Variants in PARL observed in about 807,000 individuals in gnomAD.
PARL encodes the protein presenilin-associated rhomboid-like protein, mitochondrial.
Under a neutral mutation model 51.6 loss-of-function variants are expected in PARL, and 44 were observed. The ratio of observed to expected loss-of-function variants is 0.85; its 90% CI spans 0.67 to 1.10. The LOEUF is 1.10. Ranked by LOEUF, PARL falls within the 50% of genes least tolerant of loss-of-function variation. PARL has a pLI of 0.00. For synonymous variants in PARL, 172 were observed against 164.0 expected (o/e 1.05, Z -0.37); for missense variants, 441 against 469.5 (o/e 0.94, Z 0.56).
intron 1 of PARL, among the ~76,000 whole-genome samples, chr3:183,882,571 T>A (rs901258105): frequency 6.6e-6 from 1 of 152,100 alleles, no homozygotes; most frequent in African/African-American, 2.4e-5. Flanking sequence ...TTAAACAGGT[T>A]TCCACTTTCA....
chr3:183,837,583 A>G (rs1415780665), intron 7 of PARL, among the ~76,000 whole-genome samples: 1 of 152,130 alleles, frequency 6.6e-6, no homozygotes, highest in Non-Finnish European at 1.5e-5. Flanking sequence ...CAGTGACAAG[A>G]GCCCCTATCA....
chr3:183,850,910 C>T (rs534494221), intron 4 of PARL, among the ~76,000 whole-genome samples: 1 of 152,216 alleles, frequency 6.6e-6, no homozygotes, highest in South Asian at 2.1e-4. Flanking sequence ...ACAACACAAA[C>T]CTACAGGAAT....
chr3:183,859,973 ACAAAG>A (rs1164889239), intron 4 of PARL, among the ~76,000 whole-genome samples: 1 of 152,078 alleles, frequency 6.6e-6, no homozygotes. Context: ...TATGAATACT[ACAAAG>A]CAGAGAGGCA....
At chr3:183,875,157 G>A (rs1733645203) in intron 1 of PARL, among the ~76,000 whole-genome samples, 1 of 152,072 alleles carries the variant, frequency 6.6e-6, no homozygotes, top group African/African-American at 2.4e-5. Flanking sequence ...GCTCCCATCT[G>A]TAATCCTAGA....
intron 4 of PARL, among the ~76,000 whole-genome samples, chr3:183,854,195 T>C (rs990287442): frequency 1.3e-5 from 2 of 152,126 alleles, no homozygotes; most frequent in African/African-American, 2.4e-5. Context: ...TGAGCTGAGA[T>C]CACGCCACTG....
At chr3:183,847,934 C>A (rs1363016855) in intron 4 of PARL, among the ~76,000 whole-genome samples, 1 of 152,208 alleles carries the variant, frequency 6.6e-6, no homozygotes. Flanking sequence ...AGGGATGTCA[C>A]CTGCTTCTTC....
At position 183,862,845 on chromosome 3, in the gene PARL, A is replaced by T. The variant is rs974963949; in HGVS notation, c.463-44T>A. On this transcript the variant is annotated intron_variant, in intron 3 of 9. Coordinates refer to ENST00000317096, the MANE Select transcript of PARL (RefSeq NM_018622.7). ...TGCATCACCACATGTGAGAAATTTCAGGCTACAAAAATGAAAAACCAGAAG... is the reference window on the plus strand; with the variant it reads ...TGCATCACCACATGTGAGAAATTTCTGGCTACAAAAATGAAAAACCAGAAG... 7.9e-6 allele frequency: 12 copies of T among 1,521,980 alleles called. No individual in the cohort carries two copies. In the Middle Eastern group the frequency reaches 5.1e-4, roughly 65 times the overall value. The allele number at this position is 1,521,980 out of a possible 1,614,324, so 94.3% of individuals were successfully genotyped here.
rs78737346 is a variant in PARL at position 183,884,160 on chromosome 3, T to C, written c.125+562A>G. 5.6e-4 allele frequency among the ~76,000 whole-genome samples: 85 copies of C among 152,326 alleles called. No homozygotes were observed. In the East Asian group the frequency reaches 0.015, roughly 28 times the overall value. The stretch of plus-strand genomic sequence containing the variant: ...ACTGATCAACCATACGCTTCACACT[T>C]CTACTCGGAAGGTTCGGCAGTTTTC... On this transcript the variant is annotated intron_variant, in intron 1 of 9. Coordinates refer to ENST00000317096, the MANE Select transcript of PARL (RefSeq NM_018622.7).
intron 3 of PARL, among the ~76,000 whole-genome samples, chr3:183,863,703 T>C (rs1732109331): frequency 6.6e-6 from 1 of 151,978 alleles, no homozygotes; most frequent in Non-Finnish European, 1.5e-5. Flanking sequence ...TCTCCCAAGG[T>C]GCTGGGATTA....
intron 7 of PARL, among the ~76,000 whole-genome samples, chr3:183,839,868 G>GAC (rs1377832778): frequency 2.0e-5 from 3 of 152,154 alleles, no homozygotes; most frequent in African/African-American, 7.2e-5. Context: ...GAGTAGCTGA[G>GAC]ACTACCGGCA....
chr3:183,882,328 CACATATAT>C (rs1405925417), intron 1 of PARL, among the ~76,000 whole-genome samples: 2 of 139,780 alleles, frequency 1.4e-5, no homozygotes, highest in Non-Finnish European at 3.0e-5. Context: ...CACATATATA[CACATATAT>C]ACACACACAT....
At chr3:183,828,500 T>C (rs1347622860), downstream of PARL, among the ~76,000 whole-genome samples, 1 of 152,248 alleles carries the variant, frequency 6.6e-6, no homozygotes, top group African/African-American at 2.4e-5. Flanking sequence ...AACAGAATCC[T>C]GTGCCTGGGA....
chr3:183,877,558 C>T (rs978852079), intron 1 of PARL, among the ~76,000 whole-genome samples: 5 of 152,094 alleles, frequency 3.3e-5, no homozygotes, highest in East Asian at 1.9e-4. Flanking sequence ...AGTCAATCAA[C>T]GTGGCGAACT....
chr3:183,866,036 C>T (rs184938661), intron 3 of PARL, among the ~76,000 whole-genome samples: 9 of 152,156 alleles, frequency 5.9e-5, no homozygotes, highest in East Asian at 5.8e-4. Flanking sequence ...TGCACCACCA[C>T]GCCTGGCTAA....
chr3:183,861,236 T>C, intron 4 of PARL: 3 of 975,456 alleles, frequency 3.1e-6, no homozygotes, highest in Non-Finnish European at 3.7e-6. Context: ...ATCAATTCTA[T>C]GGTCTTAGTT....
At chr3:183,876,224 T>C (rs927508365) in intron 1 of PARL, among the ~76,000 whole-genome samples, 1 of 152,056 alleles carries the variant, frequency 6.6e-6, no homozygotes, top group Non-Finnish European at 1.5e-5. Flanking sequence ...TTTTTGTGTT[T>C]TTAGTAGAGA....
intron 6 of PARL, 110 bp downstream of exon 6, chr3:183,842,188 T>A (rs1299453144): frequency 3.7e-6 from 4 of 1,072,436 alleles, no homozygotes; most frequent in Admixed American, 3.4e-5. Context: ...ACAAATATGT[T>A]CTGAGCACTC....
chr3:183,852,072 GTTGT>G (rs921148188), intron 4 of PARL, among the ~76,000 whole-genome samples: 1 of 152,120 alleles, frequency 6.6e-6, no homozygotes, highest in African/African-American at 2.4e-5. Context: ...TGGAAGGAGG[GTTGT>G]TTGAGACCAG....
chr3:183,850,408 AG>A (rs1730417281), intron 4 of PARL, among the ~76,000 whole-genome samples: 1 of 152,152 alleles, frequency 6.6e-6, no homozygotes, highest in Admixed American at 6.5e-5. Flanking sequence ...TCTTCTTATA[AG>A]GACATGAGTC....
Sources: gnomAD v4.1 joint callset for allele counts (sites outside exome capture counted in the v4.1 genomes callset) on GRCh38, gnomAD v4.1.1 for gene constraint, MANE v1.5 for transcripts, NCBI Gene and HGNC (gene_info 2026-07-23, HGNC 2026-07-21) for gene names.